The following ZNF423 variants were observed in gnomAD, a reference collection of about 807,000 sequenced individuals.
ZNF423 encodes the protein Ebf-associated zinc finger protein.
In ZNF423, 12 loss-of-function variants were observed where a neutral mutation model predicts 95.8. The ratio of observed to expected loss-of-function variants is 0.13; its 90% confidence interval spans 0.08 to 0.20. The LOEUF is 0.20. ZNF423 is among the 10% of genes least tolerant of loss of function. The probability of loss-of-function intolerance (pLI) is 1.00; values close to 1 mark genes in which losing one functional copy is unlikely to be tolerated. For synonymous variants in ZNF423, 749 were observed against 711.9 expected (o/e 1.05, Z -0.83); for missense variants, 1,316 against 1,737.1 (o/e 0.76, Z 4.31).
At chr16:49,789,620 GA>G in intron 1 of ZNF423, 74 bp from the exon 2 acceptor site, 1 of 1,466,524 alleles carries the variant, frequency 6.8e-7, no homozygotes. Flanking sequence ...ACAGGGCGAG[GA>G]AGAAGGAACA....
chr16:49,549,896 C>T (rs899102332), intron 5 of ZNF423, among the ~76,000 whole-genome samples: 4 of 151,544 alleles, frequency 2.6e-5, no homozygotes, highest in Non-Finnish European at 4.4e-5. Flanking sequence ...TTTTTAGACA[C>T]AGGTCTCATT....
chr16:49,729,237 C>A (rs939091028), intron 3 of ZNF423, among the ~76,000 whole-genome samples: 1 of 152,152 alleles, frequency 6.6e-6, no homozygotes, highest in East Asian at 1.9e-4. Flanking sequence ...TTCATTAGAT[C>A]AATTAGTTGA....
At chr16:49,498,108 C>T (rs1047909761) in intron 7 of ZNF423, among the ~76,000 whole-genome samples, 21 of 152,156 alleles carry the variant, frequency 1.4e-4, no homozygotes, top group African/African-American at 4.8e-5. Context: ...GGAATGGCAC[C>T]GATCATGATC....
intron 1 of ZNF423, chr16:49,854,584 T>A: frequency 1.0e-6 from 1 of 985,410 alleles, no homozygotes; most frequent in Non-Finnish European, 1.2e-6. Context: ...GCCGCTCTCA[T>A]CGTTCCCCCC....
chr16:49,657,441 G>A (rs941777207), intron 3 of ZNF423, among the ~76,000 whole-genome samples: 6 of 152,226 alleles, frequency 3.9e-5, no homozygotes, highest in African/African-American at 1.4e-4. Context: ...ATCATGGCCA[G>A]TGGCCCCCTG....
rs891713345 is a variant in ZNF423, at chr16:49,563,215, G to A, written c.3602-37721C>T. ...AGTGGGAGGTGTTTGGATCACAGGG[G>A]AAGGAGCGTGAGTGAGTTCTTGTTC... On this transcript the variant is annotated intron_variant, in intron 5 of 7. Transcript: ENST00000563137. Among the ~76,000 whole-genome samples the A allele has an allele frequency of 2.0e-5, 3 of 152,298 alleles. 1 individual carries two copies. The highest frequency in any genetic ancestry group is 4.1e-4 in the South Asian group (2 of 4,824).
In ZNF423 at chr16:49,492,756, C is replaced by CT. The variant is rs1300708886; in HGVS notation, c.3850-1453dup. 6.6e-6 allele frequency among the ~76,000 whole-genome samples: 1 copy of CT among 152,180 alleles called. No individual in the cohort carries two copies. The highest frequency in any genetic ancestry group is 1.9e-4 in the East Asian group (1 of 5,180). ...GCTCTGTGCCGTGGCAGGCACCGCT[C>CT]TTTCAATCCTCACAACAGCCTTGCG... On this transcript the variant is annotated intron_variant, in intron 7 of 7. Transcript: ENST00000563137. The surrounding 1 kb of genome is among the most constrained non-coding windows in gnomAD (Gnocchi z 4.2).
chr16:49,729,685 TTTA>T (rs2033114996), intron 3 of ZNF423, among the ~76,000 whole-genome samples: 1 of 141,730 alleles, frequency 7.1e-6, no homozygotes, highest in Non-Finnish European at 1.6e-5. Flanking sequence ...TTATTATTAT[TTTA>T]AAAATATCTG....
intron 2 of ZNF423, among the ~76,000 whole-genome samples, chr16:49,743,003 CCCCATCTGTAAATTAAGGCATGGA>C (rs1339761338): frequency 6.6e-6 from 1 of 152,076 alleles, no homozygotes; most frequent in Non-Finnish European, 1.5e-5. Context: ...GCCTCAGCTG[CCCCATCTGTAAATTAAGGCATGGA>C]CCACAGAGAA....
rs1249912747 is a variant in ZNF423 at position 49,636,677 on chromosome 16, G to A, written c.2499C>T (p.His833=). 5 of 1,614,108 alleles carry A rather than the reference G, an allele frequency of 3.1e-6. No individual in the cohort carries two copies. In the East Asian group the frequency reaches 8.9e-5, roughly 29 times the overall value. ...AFHAIILLEK[H]LREKHCVFDA... is the part of the protein sequence containing the mutation. ...CAAACACACAGTGCTTCTCCCGCAG[G>A]TGCTTCTCCAGCAGGATGATGGCGT... Residue 833 remains histidine, a synonymous_variant, in exon 4 of 8, where the codon CAC becomes CAT. Transcript: ENST00000563137. This position sits in a 1 kb window ranked among gnomAD's most constrained non-coding sequence, Gnocchi z 8.6.
chr16:49,493,138 G>C (rs899971480), intron 7 of ZNF423, among the ~76,000 whole-genome samples: 1 of 152,090 alleles, frequency 6.6e-6, no homozygotes, highest in African/African-American at 2.4e-5. Context: ...CCCTGTACTT[G>C]TGCAGGGACA....
chr16:49,811,649 G>A (rs2034754173), intron 1 of ZNF423, among the ~76,000 whole-genome samples: 1 of 152,158 alleles, frequency 6.6e-6, no homozygotes, highest in Non-Finnish European at 1.5e-5. Flanking sequence ...AAAGAAAAGG[G>A]AGCCATTTCC....
intron 1 of ZNF423, among the ~76,000 whole-genome samples, chr16:49,795,546 C>T (rs954226944): frequency 3.9e-5 from 6 of 152,208 alleles, no homozygotes; most frequent in African/African-American, 1.4e-4. Flanking sequence ...AGATGGGATC[C>T]TTCCCAGGGC....
Position 49,643,366 on chromosome 16 carries a change from A to G in ZNF423, c.302-4492T>C, listed in dbSNP as rs568796420. On this transcript the variant is annotated intron_variant, in intron 3 of 7. Coordinates refer to ENST00000563137, the MANE Select transcript of ZNF423 (RefSeq NM_001379286.1). The stretch of plus-strand genomic sequence containing the variant: ...TCTAAGAGTTAATGTGTACTCACTC[A>G]TTCAATCCTCTCAATAGGCTAATGA... Among the ~76,000 whole-genome samples, 13 of 152,322 alleles carry G rather than the reference A, an allele frequency of 8.5e-5. No homozygotes were observed. The East Asian group carries it at 2.5e-3, about 29-fold the overall frequency.
At chr16:49,534,285 A>C in intron 5 of ZNF423, among the ~76,000 whole-genome samples, 1 of 145,618 alleles carries the variant, frequency 6.9e-6, no homozygotes, top group African/African-American at 2.5e-5. Context: ...ACCGAGTTTC[A>C]CTCTTGTTGC....
At chr16:49,544,068 C>T (rs1969353191) in intron 5 of ZNF423, among the ~76,000 whole-genome samples, 1 of 152,238 alleles carries the variant, frequency 6.6e-6, no homozygotes, top group Non-Finnish European at 1.5e-5. Flanking sequence ...ACACATCCAC[C>T]TGTCCATCTA....
chr16:49,638,219 G>A lies in ZNF423; in HGVS notation c.957C>T (p.Leu319=), dbSNP rs953150260. ...TGGCGTGGGCTTGGTGGATATGGGC[G>A]AGCAGTGTGTTCTCGTCGACGAAGA... The part of the protein sequence containing the change: ...PEVFVDENTL[L]AHIHQAHANQ... Residue 319 remains leucine, a synonymous_variant, in exon 4 of 8, where the codon CTC becomes CTT. Coordinates refer to ENST00000563137, the MANE Select transcript of ZNF423 (RefSeq NM_001379286.1). The surrounding 1 kb of genome is among the most constrained non-coding windows in gnomAD (Gnocchi z 5.6). 1.8e-5 allele frequency: 29 copies of A among 1,608,554 alleles called. No individual in the cohort carries two copies. The highest frequency in any genetic ancestry group is 4.0e-5 in the African/African-American group (3 of 74,930).
At chr16:49,670,638 G>A (rs543640263) in intron 3 of ZNF423, among the ~76,000 whole-genome samples, 16 of 152,080 alleles carry the variant, frequency 1.1e-4, no homozygotes, top group Middle Eastern at 6.8e-3. Context: ...TCTCGGGGAC[G>A]CCTCTGTTGG....
At position 49,533,880 on chromosome 16, in the gene ZNF423, C is replaced by T. The variant is rs114491499; in HGVS notation, c.3602-8386G>A. Reference sequence around the variant, plus strand: ...AGTAAAGAATATGAAGCATGACCCCCGGCACAGTGGCTTACACCTGTAATT... The same window carrying T: ...AGTAAAGAATATGAAGCATGACCCCTGGCACAGTGGCTTACACCTGTAATT... On this transcript the variant is annotated intron_variant, in intron 5 of 7. Transcript: ENST00000563137. Among the ~76,000 whole-genome samples the T allele has an allele frequency of 3.7e-3, 560 of 152,242 alleles. 3 individuals carry two copies. The highest frequency in any genetic ancestry group is 0.013 in the African/African-American group (527 of 41,556).
Sources: gnomAD v4.1 joint callset for allele counts (sites outside exome capture counted in the v4.1 genomes callset) on GRCh38, gnomAD v4.1.1 for gene constraint, Gnocchi (gnomAD v3.1) non-coding constraint, MANE v1.5 for transcripts, NCBI Gene and HGNC (gene_info 2026-07-23, HGNC 2026-07-21) for gene names.